The following ESR2 variants were observed in gnomAD, a reference collection of about 807,000 sequenced individuals.
ESR2 encodes estrogen receptor 2.
In ESR2, 36 loss-of-function variants were observed where a neutral mutation model predicts 49.6. That is an observed-to-expected ratio of 0.73 (90% CI 0.56 to 0.96). The LOEUF is 0.96. Among genes scored for constraint, ESR2 ranks in the 40% least tolerant of loss-of-function variants. The pLI, the probability that ESR2 is intolerant of heterozygous loss-of-function variation, is 0.00. For missense variants in ESR2, 714 were observed against 693.0 expected, an observed-to-expected ratio of 1.03 and a Z score of -0.34; for synonymous variants, 320 against 266.1, an observed-to-expected ratio of 1.20 and a Z score of -1.97.
rs182639671 is a variant in ESR2 at position 64,278,326 on chromosome 14, C to T, written c.535+1655G>A. On this transcript the variant is annotated intron_variant, in intron 3 of 8. Transcript: ENST00000341099. ...TCGCAGAGCTAGTAATTATAAAATC[C>T]AGGACAAAGAGGCTGCCATTCATAC... is the stretch of plus-strand genomic sequence containing the variant. Among the ~76,000 whole-genome samples the T allele has an allele frequency of 1.1e-3, 161 of 152,168 alleles. 2 individuals are homozygous for T. Among genetic ancestry groups the T allele is most frequent in the East Asian group, 3.9e-4 (2 of 5,176 alleles).
intron 8 of ESR2, 64 bp downstream of exon 8, chr14:64,234,906 C>A (rs909213490): frequency 2.5e-6 from 4 of 1,575,818 alleles, no homozygotes; most frequent in Non-Finnish European, 3.5e-6. Context: ...CAAATCACTT[C>A]ACCCTCCGTG....
At chr14:64,270,330 T>A (rs61984412) in intron 3 of ESR2, among the ~76,000 whole-genome samples, 11,951 of 152,170 alleles carry the variant, frequency 0.079, 583 homozygotes, top group Non-Finnish European at 0.1. Context: ...AAAGGAGGAC[T>A]GTCCCACCTC....
intron 1 of ESR2, among the ~76,000 whole-genome samples, chr14:64,317,127 G>A (rs188327916): frequency 6.6e-6 from 1 of 152,048 alleles, no homozygotes; most frequent in Admixed American, 6.5e-5. Context: ...TTAGCCGGGT[G>A]TGGTGGCACA....
chr14:64,288,211 A>G (rs2076812261), intron 1 of ESR2, among the ~76,000 whole-genome samples: 2 of 152,182 alleles, frequency 1.3e-5, no homozygotes, highest in Non-Finnish European at 2.9e-5. Flanking sequence ...GTTCTAATGT[A>G]CTGGCTGGGA....
rs150570249 is a variant in ESR2, at chr14:64,242,636, G to T, written c.1225+6910C>A. 4.7e-3 allele frequency among the ~76,000 whole-genome samples: 706 copies of T among 151,406 alleles called. 5 individuals are homozygous for T. Among genetic ancestry groups the T allele is most frequent in the African/African-American group, 0.016 (669 of 41,364 alleles). ...AAAAAAAAAAATTTAGAGAACTTTT[G>T]CTTATACATGCATGAGGGAAATTGG... is the stretch of plus-strand genomic sequence containing the variant. On this transcript the variant is annotated intron_variant, in intron 7 of 8. Transcript: ENST00000341099.
At chr14:64,328,533 C>A (rs2077417047) in intron 1 of ESR2, among the ~76,000 whole-genome samples, 1 of 152,160 alleles carries the variant, frequency 6.6e-6, no homozygotes, top group African/African-American at 2.4e-5. Context: ...GCAATATCTG[C>A]CTGGGTAGTA....
intron 4 of ESR2, 24 bp from the exon 5 acceptor site, chr14:64,260,772 C>CGAATT: frequency 7.0e-7 from 1 of 1,433,914 alleles, no homozygotes. Flanking sequence ...CAGAGTCATT[C>CGAATT]GAATTGCCAG....
chr14:64,292,374 G>A (rs2076886786), intron 1 of ESR2, among the ~76,000 whole-genome samples: 3 of 152,164 alleles, frequency 2.0e-5, no homozygotes, highest in Admixed American at 2.0e-4. Context: ...GAACTGTTCT[G>A]TGTCATGTGT....
chr14:64,263,004 G>T (rs2076252394), intron 4 of ESR2, among the ~76,000 whole-genome samples: 1 of 152,102 alleles, frequency 6.6e-6, no homozygotes, highest in Non-Finnish European at 1.5e-5. Context: ...TCCTAAAAGG[G>T]AAGAAGTAGA....
At chr14:64,274,958 G>T (rs1026560655) in intron 3 of ESR2, among the ~76,000 whole-genome samples, 1 of 152,144 alleles carries the variant, frequency 6.6e-6, no homozygotes, top group Non-Finnish European at 1.5e-5. Flanking sequence ...GTCAAAGAAG[G>T]TGCTTGATTT....
chr14:64,250,267 A>T (rs889430259), intron 6 of ESR2, among the ~76,000 whole-genome samples: 1 of 152,240 alleles, frequency 6.6e-6, no homozygotes, highest in Non-Finnish European at 1.5e-5. Flanking sequence ...ATTAGAGAAG[A>T]TGGATTAGAA....
intron 4 of ESR2, among the ~76,000 whole-genome samples, chr14:64,268,449 T>A (rs548338296): frequency 1.1e-4 from 16 of 152,194 alleles, no homozygotes; most frequent in Non-Finnish European, 1.6e-4. Context: ...ACTGGACTTT[T>A]CAAGATCACA....
At chr14:64,290,953 C>A (rs1250068619) in intron 1 of ESR2, among the ~76,000 whole-genome samples, 1 of 152,108 alleles carries the variant, frequency 6.6e-6, no homozygotes, top group East Asian at 1.9e-4. Flanking sequence ...GGTAGGAGGA[C>A]CAAGCCTCGA....
chr14:64,323,920 G>A (rs2077357656), intron 1 of ESR2, among the ~76,000 whole-genome samples: 1 of 152,088 alleles, frequency 6.6e-6, no homozygotes, highest in African/African-American at 2.4e-5. Flanking sequence ...TTGAACTCCC[G>A]ACCTCAGGTG....
At chr14:64,227,551 T>G, downstream of ESR2, 4 of 1,614,234 alleles carry the variant, frequency 2.5e-6, no homozygotes, top group Non-Finnish European at 3.4e-6. Flanking sequence ...CCATCGTTGC[T>G]TCAGGCAAAA....
intron 7 of ESR2, among the ~76,000 whole-genome samples, chr14:64,244,778 A>G (rs1278893402): frequency 1.3e-5 from 2 of 152,204 alleles, no homozygotes; most frequent in African/African-American, 2.4e-5. Flanking sequence ...TAATTGTTCA[A>G]GTCAGTTTTC....
chr14:64,237,268 A>AT (rs199802361), intron 7 of ESR2, among the ~76,000 whole-genome samples: 2,247 of 151,904 alleles, frequency 0.015, 23 homozygotes, highest in Non-Finnish European at 0.025. Flanking sequence ...CCAGACCCTT[A>AT]TTTTTTTTAG....
intron 7 of ESR2, among the ~76,000 whole-genome samples, chr14:64,241,271 C>A (rs1033896821): frequency 6.6e-6 from 1 of 151,984 alleles, no homozygotes; most frequent in Non-Finnish European, 1.5e-5. Context: ...TGGGAAATCA[C>A]CCCATCATAA....
At chr14:64,335,681 C>T (rs1189113487) in intron 1 of ESR2, among the ~76,000 whole-genome samples, 4 of 150,820 alleles carry the variant, frequency 2.7e-5, no homozygotes, top group Admixed American at 2.0e-4. Context: ...GACACAATTC[C>T]GTCTATAGCA....
Sources: allele counts gnomAD v4.1 joint callset (sites outside exome capture counted in the v4.1 genomes callset), GRCh38; gene constraint gnomAD v4.1.1; transcripts MANE v1.5; gene names NCBI Gene and HGNC (gene_info 2026-07-23, HGNC 2026-07-21).